The following TIAM2 variants were observed in gnomAD, a reference collection of about 807,000 sequenced individuals.
TIAM2 encodes the protein rho guanine nucleotide exchange factor TIAM2.
TIAM2 carries 80 observed loss-of-function variants against 152.9 expected under a neutral mutation model. The observed-to-expected ratio is 0.52, with a 90% CI of 0.44 to 0.63. The LOEUF (loss-of-function observed/expected upper bound fraction) is 0.63, where lower values mean the gene tolerates loss of function less well. TIAM2 is among the 30% of genes least tolerant of loss of function. TIAM2 has a pLI of 0.00. For missense variants in TIAM2, 1,965 were observed against 2,120.1 expected (o/e 0.93, Z 1.44); for synonymous variants, 804 against 838.0 (o/e 0.96, Z 0.70).
intron 9 of TIAM2, among the ~76,000 whole-genome samples, chr6:155,172,680 ATATATATTTTTTTTTTTT>A (rs1780648464): frequency 7.2e-5 from 1 of 13,834 alleles, no homozygotes; most frequent in African/African-American, 3.6e-4. Context: ...ATATATATAT[ATATATATTTTTTTTTTTT>A]TTTTTTTTTT....
intron 7 of TIAM2, among the ~76,000 whole-genome samples, chr6:155,162,296 C>G (rs553934670): frequency 6.6e-6 from 1 of 152,316 alleles, no homozygotes; most frequent in Admixed American, 6.5e-5. Flanking sequence ...CTTCACCCTC[C>G]ATACAACCTT....
chr6:155,013,510 A>T lies in TIAM2; in HGVS notation c.-209+18018A>T, dbSNP rs563219053. On this transcript the variant is annotated intron_variant, in intron 1 of 26. Transcript: ENST00000682666. ...CCAAGTGCTTGCTCCCCTCTGCTACACAAAAGGGATATTGGAAAGCCATAT... is the reference window on the plus strand; with the variant it reads ...CCAAGTGCTTGCTCCCCTCTGCTACTCAAAAGGGATATTGGAAAGCCATAT... 4.6e-5 allele frequency: 7 copies of T among 152,166 alleles called. No individual in the cohort carries two copies. In the South Asian group the frequency reaches 1.0e-3, roughly 23 times the overall value. The allele number at this position is 152,166 out of a possible 1,614,324, so 9.4% of individuals were successfully genotyped here. A position where few individuals can be genotyped will look rare whatever the true frequency, so the allele number is the denominator to read the frequency against.
Position 155,254,007 on chromosome 6 carries a change from T to C in TIAM2, c.4260T>C (p.His1420=), listed in dbSNP as rs1783845144. 6.2e-7 allele frequency: 1 copy of C among 1,614,174 alleles called. No homozygotes were observed. Among genetic ancestry groups the C allele is most frequent in the Non-Finnish European group, 8.5e-7 (1 of 1,180,014 alleles). ...TENNSIWELI[H]TKSEIEGRPE... ...ATAATTCCATATGGGAACTGATCCA[T>C]ACGAAGTCAGAAATAGAAGGACGGC... Residue 1420 remains histidine, a synonymous_variant, in exon 25 of 27, where the codon CAT becomes CAC. Coordinates refer to ENST00000682666, the MANE Select transcript of TIAM2 (RefSeq NM_012454.4).
At position 155,120,365 on chromosome 6, in the gene TIAM2, G is replaced by A. The variant is rs577497678; in HGVS notation, c.-117-7125G>A. On this transcript the variant is annotated intron_variant, in intron 2 of 26. Coordinates refer to ENST00000682666, the MANE Select transcript of TIAM2 (RefSeq NM_012454.4). ...AGCTTGCTTTCTGCTCACTTTTTTT[G>A]TAAGGATTACTCTTCCTAAGCATTA... is the stretch of plus-strand genomic sequence containing the variant. Among the ~76,000 whole-genome samples the A allele has an allele frequency of 5.3e-5, 8 of 152,272 alleles. No individual in the cohort carries two copies. The South Asian group carries it at 1.5e-3, about 28-fold the overall frequency.
At chr6:155,198,435 G>A (rs1251972878) in intron 14 of TIAM2, among the ~76,000 whole-genome samples, 1 of 152,108 alleles carries the variant, frequency 6.6e-6, no homozygotes, top group African/African-American at 2.4e-5. Flanking sequence ...AGCCGAGGCG[G>A]GTGGATCACC....
At chr6:155,256,308 A>C in intron 26 of TIAM2, 176 bp from the exon 27 acceptor site, 1 of 930,914 alleles carries the variant, frequency 1.1e-6, no homozygotes, top group East Asian at 2.6e-5. Context: ...ACCTAAGTCA[A>C]AAATGTCCAT....
At chr6:155,206,624 G>T (rs1265303526) in intron 14 of TIAM2, among the ~76,000 whole-genome samples, 1 of 152,186 alleles carries the variant, frequency 6.6e-6, no homozygotes, top group Non-Finnish European at 1.5e-5. Context: ...GATGCACAGT[G>T]TCTGGCACCC....
At chr6:155,038,924 G>A (rs1305586686) in intron 1 of TIAM2, among the ~76,000 whole-genome samples, 1 of 150,982 alleles carries the variant, frequency 6.6e-6, no homozygotes, top group Admixed American at 6.6e-5. Context: ...TCCAGCCTGG[G>A]TGACGGAGCG....
chr6:155,098,884 G>A (rs1219181954), intron 2 of TIAM2, among the ~76,000 whole-genome samples: 1 of 152,142 alleles, frequency 6.6e-6, no homozygotes, highest in Non-Finnish European at 1.5e-5. Context: ...AGTAACACTT[G>A]GAGTTTATAA....
intron 2 of TIAM2, among the ~76,000 whole-genome samples, chr6:155,103,304 T>C (rs1466440639): frequency 6.6e-6 from 1 of 152,164 alleles, no homozygotes; most frequent in Non-Finnish European, 1.5e-5. Flanking sequence ...AATCAGACAA[T>C]GCAAAACCAT....
rs1562293743 is a variant in TIAM2 at position 155,027,381 on chromosome 6, CTGTGTTA to C, written c.-209+31890_-209+31896del. The stretch of plus-strand genomic sequence containing the variant: ...ATATATACTATATATAATATATATA[CTGTGTTA>C]CATATATACTATATATAATATATAT... On this transcript the variant is annotated intron_variant, in intron 1 of 26. Coordinates refer to ENST00000682666, the MANE Select transcript of TIAM2 (RefSeq NM_012454.4). Among the ~76,000 whole-genome samples the C allele has an allele frequency of 9.3e-4, 124 of 133,432 alleles. 2 individuals carry two copies. The highest frequency in any genetic ancestry group is 3.4e-3 in the African/African-American group (114 of 33,520). The allele number at this position is 133,432 out of a possible 152,430, so 87.5% of individuals were successfully genotyped here. A position where few individuals can be genotyped will look rare whatever the true frequency, so the allele number is the denominator to read the frequency against.
chr6:155,046,293 T>C (rs1777172648), intron 1 of TIAM2, among the ~76,000 whole-genome samples: 2 of 152,098 alleles, frequency 1.3e-5, no homozygotes, highest in Non-Finnish European at 2.9e-5. Context: ...CTTGTAATTT[T>C]ATGGCTAGCC....
At chr6:155,089,559 G>A (rs903177727) in intron 1 of TIAM2, among the ~76,000 whole-genome samples, 2 of 152,164 alleles carry the variant, frequency 1.3e-5, no homozygotes, top group Non-Finnish European at 2.9e-5. Context: ...ACCCACTTGA[G>A]TTCTGCTCCA....
intron 1 of TIAM2, among the ~76,000 whole-genome samples, chr6:155,089,655 C>T (rs1172901230): frequency 6.6e-6 from 1 of 152,204 alleles, no homozygotes; most frequent in Non-Finnish European, 1.5e-5. Context: ...AAATACCATT[C>T]AGATTTCAGG....
At chr6:155,221,510 G>A (rs73006767) in intron 15 of TIAM2, among the ~76,000 whole-genome samples, 4,077 of 152,242 alleles carry the variant, frequency 0.027, 75 homozygotes, top group Non-Finnish European at 0.044. Context: ...AACAGCGGGT[G>A]CCATGGTTTT....
chr6:155,182,241 C>T lies in TIAM2; in HGVS notation c.2723C>T (p.Ala908Val), dbSNP rs768733622. Residue 908 changes from alanine to valine, a missense_variant, in exon 13 of 27, where the codon GCG becomes GTG. Physicochemically the swap from Ala to Val is moderately conservative, Grantham distance 64. This residue lies in a region of TIAM2 where 5 missense variants were observed against 20.7 expected (regional missense o/e 0.24). Transcript: ENST00000682666. ...TCATTCCTAGGGTTTGCAGTTACAG[C>T]GCAGGTGGATGAGCGTCAGCATCTC... ...SVCDFGFAVT[A>V]QVDERQHLSR... 16 of 1,613,970 alleles carry T rather than the reference C, an allele frequency of 9.9e-6. No homozygotes were observed. Among genetic ancestry groups the T allele is most frequent in the South Asian group, 8.8e-5 (8 of 91,080 alleles).
In TIAM2 at chr6:155,173,681, A is replaced by T. The variant is rs535140447; in HGVS notation, c.2362-3135A>T. Among the ~76,000 whole-genome samples, 4 of 152,234 alleles carry T rather than the reference A, an allele frequency of 2.6e-5. 1 individual carries two copies. In the South Asian group the frequency reaches 8.3e-4, roughly 32 times the overall value. Reference sequence around the variant, plus strand: ...TCCTGGGTGTGGGACGCACTGTGTTAATGGCTGAGGGAGAATGAGGATGCA... The same window carrying T: ...TCCTGGGTGTGGGACGCACTGTGTTTATGGCTGAGGGAGAATGAGGATGCA... On this transcript the variant is annotated intron_variant, in intron 9 of 26. Coordinates refer to ENST00000682666, the MANE Select transcript of TIAM2 (RefSeq NM_012454.4).
rs908649615 is a variant in TIAM2 at position 155,056,989 on chromosome 6, G to T, written c.-208-33300G>T. On this transcript the variant is annotated intron_variant, in intron 1 of 26. Coordinates refer to ENST00000682666, the MANE Select transcript of TIAM2 (RefSeq NM_012454.4). Reference sequence around the variant, plus strand: ...AGTTTTGAGGAGTATTAGATAGTTTGCTAGTAGAATGTTCCTCAGTTTTCT... The same window carrying T: ...AGTTTTGAGGAGTATTAGATAGTTTTCTAGTAGAATGTTCCTCAGTTTTCT... 6.9e-5 allele frequency among the ~76,000 whole-genome samples: 9 copies of T among 130,890 alleles called. No individual in the cohort carries two copies. In the East Asian group the frequency reaches 2.1e-3, roughly 30 times the overall value. 85.9% of individuals were successfully genotyped at this position (130,890 alleles called of 152,430 possible). A position where few individuals can be genotyped will look rare whatever the true frequency, so the allele number is the denominator to read the frequency against.
chr6:155,094,735 T>TG (rs1259300507), intron 2 of TIAM2, among the ~76,000 whole-genome samples: 18 of 145,198 alleles, frequency 1.2e-4, no homozygotes, highest in East Asian at 2.0e-4. Flanking sequence ...TTTTTTTTTT[T>TG]TTGTTTTTTT....
Sources: allele counts gnomAD v4.1 joint callset (sites outside exome capture counted in the v4.1 genomes callset), GRCh38; gene constraint gnomAD v4.1.1; regional missense constraint gnomAD v4.1.1; transcripts MANE v1.5; gene names NCBI Gene and HGNC (gene_info 2026-07-23, HGNC 2026-07-21).